Variants in KATNIP observed in about 807,000 individuals in gnomAD.
The protein encoded by KATNIP is katanin interacting protein.
A neutral mutation model predicts 174.0 loss-of-function variants in KATNIP; 126 were observed. The ratio of observed to expected loss-of-function variants is 0.72; its 90% CI spans 0.63 to 0.84. KATNIP has a LOEUF of 0.84. KATNIP is among the 40% of genes least tolerant of loss of function. The pLI is 0.00. For synonymous variants in KATNIP, 810 were observed against 835.7 expected (o/e 0.97, Z 0.53); for missense variants, 1,958 against 2,109.7 (o/e 0.93, Z 1.41).
At chr16:27,726,812 C>A (rs1406317197) in intron 14 of KATNIP, among the ~76,000 whole-genome samples, 1 of 152,180 alleles carries the variant, frequency 6.6e-6, no homozygotes, top group Non-Finnish European at 1.5e-5. Flanking sequence ...ACAGCAGGAG[C>A]AAAGGCCCTG....
In KATNIP at chr16:27,588,707, C is replaced by T. The variant is rs142944721; in HGVS notation, c.63+14751C>T. Reference sequence around the variant, plus strand: ...TCAATTCTTCTCGGAAAAATTAAATCGCAAAATAATTTGAGTACATTGTTG... The same window carrying T: ...TCAATTCTTCTCGGAAAAATTAAATTGCAAAATAATTTGAGTACATTGTTG... On this transcript the variant is annotated intron_variant, in intron 2 of 27. Transcript: ENST00000261588. 1.2e-4 allele frequency among the ~76,000 whole-genome samples: 19 copies of T among 152,072 alleles called. 1 individual carries two copies. In the South Asian group the frequency reaches 1.5e-3, roughly 12 times the overall value.
Position 27,740,151 on chromosome 16 carries a change from G to C in KATNIP, c.1854G>C (p.Leu618=). ...AGGCCCCAGCTGACCACAGCATCCTGGTTGACCAGAAGAACGAGAAGAGCG... is the reference window on the plus strand; with the variant it reads ...AGGCCCCAGCTGACCACAGCATCCTCGTTGACCAGAAGAACGAGAAGAGCG... ...DREAPADHSI[L]VDQKNEKSEQ... The change falls in exon 15 of 28, where the codon CTG becomes CTC. Residue 618 remains leucine (L), a synonymous_variant. Transcript: ENST00000261588. 6.2e-7 allele frequency: 1 copy of C among 1,614,154 alleles called. No homozygotes were observed. The highest frequency in any genetic ancestry group is 8.5e-7 in the Non-Finnish European group (1 of 1,180,040).
chr16:27,604,202 G>A lies in KATNIP; in HGVS notation c.64-14223G>A, dbSNP rs554934942. Among the ~76,000 whole-genome samples the A allele has an allele frequency of 7.3e-5, 11 of 151,074 alleles. 1 individual carries two copies. In the South Asian group the frequency reaches 2.1e-3, roughly 29 times the overall value. ...CAGCCTCAATCTCCTGGGCTCAAGC[G>A]ATCCTCTCGCCTCAGCCTCCCAAGT... is the stretch of plus-strand genomic sequence containing the variant. On this transcript the variant is annotated intron_variant, in intron 2 of 27. Transcript: ENST00000261588.
chr16:27,649,953 A>G (rs1285767715), intron 6 of KATNIP, among the ~76,000 whole-genome samples: 1 of 152,176 alleles, frequency 6.6e-6, no homozygotes, highest in Non-Finnish European at 1.5e-5. Context: ...AGGTGGGCAG[A>G]TCACCTGAGA....
At chr16:27,719,178 C>A (rs2080097305) in intron 13 of KATNIP, among the ~76,000 whole-genome samples, 1 of 152,148 alleles carries the variant, frequency 6.6e-6, no homozygotes, top group Non-Finnish European at 1.5e-5. Flanking sequence ...GGGGCCAGGC[C>A]AAGGCAGAAG....
rs2081523164 is a variant in KATNIP, at chr16:27,751,706, G to A, written c.3347-13G>A. 1 of 1,613,442 alleles carries A rather than the reference G, an allele frequency of 6.2e-7. No individual in the cohort carries two copies. The highest frequency in any genetic ancestry group is 8.5e-7 in the Non-Finnish European group (1 of 1,179,550). ...AGTGAGTTGACCTTTCTGTCATCTTGATAACCCATTAGCCCCAGAGCACTT... is the reference window on the plus strand; with the variant it reads ...AGTGAGTTGACCTTTCTGTCATCTTAATAACCCATTAGCCCCAGAGCACTT... On this transcript the variant is annotated splice_polypyrimidine_tract_variant and intron_variant, in intron 16 of 27. Transcript: ENST00000261588.
chr16:27,593,542 CT>C (rs201311317), intron 2 of KATNIP, among the ~76,000 whole-genome samples: 4,318 of 151,824 alleles, frequency 0.028, 120 homozygotes, highest in Non-Finnish European at 0.036. Flanking sequence ...CCGTCCTAAA[CT>C]TTTTTTTAGG....
chr16:27,563,322 C>T (rs1473966337), intron 1 of KATNIP, among the ~76,000 whole-genome samples: 1 of 152,052 alleles, frequency 6.6e-6, no homozygotes, highest in African/African-American at 2.4e-5. Context: ...AGAGCTAAGG[C>T]CCTGAGGCAG....
intron 8 of KATNIP, among the ~76,000 whole-genome samples, chr16:27,694,196 C>G (rs969917961): frequency 1.3e-5 from 2 of 152,336 alleles, no homozygotes; most frequent in African/African-American, 4.8e-5. Flanking sequence ...CTCCAGGTGT[C>G]TCCTGCCTTC....
chr16:27,702,289 G>C (rs2079131320), intron 11 of KATNIP, among the ~76,000 whole-genome samples: 1 of 152,136 alleles, frequency 6.6e-6, no homozygotes, highest in South Asian at 2.1e-4. Flanking sequence ...CTGGTCTAGG[G>C]GGCGAGGTTG....
At chr16:27,618,022 G>A (rs981964439) in intron 2 of KATNIP, among the ~76,000 whole-genome samples, 19 of 152,158 alleles carry the variant, frequency 1.2e-4, no homozygotes, top group Admixed American at 4.6e-4. Flanking sequence ...ACAGGCATGA[G>A]CCACTGTGCC....
intron 17 of KATNIP, 48 bp from the exon 18 acceptor site, chr16:27,754,125 A>G: frequency 6.8e-7 from 1 of 1,480,744 alleles, no homozygotes; most frequent in Non-Finnish European, 9.4e-7. Context: ...CTGTGTGGGT[A>G]TCACTAAAAC....
chr16:27,704,317 A>G (rs1161409607), intron 12 of KATNIP, among the ~76,000 whole-genome samples: 2 of 152,218 alleles, frequency 1.3e-5, no homozygotes, highest in African/African-American at 4.8e-5. Context: ...TAAATGTCCC[A>G]TTTGAGCTCT....
intron 19 of KATNIP, among the ~76,000 whole-genome samples, chr16:27,762,437 A>G (rs1387927246): frequency 2.6e-5 from 4 of 152,176 alleles, no homozygotes; most frequent in South Asian, 2.1e-4. Flanking sequence ...GGAAGGGACC[A>G]TTATGAGCCC....
intron 14 of KATNIP, chr16:27,727,482 T>TA (rs2080495170): frequency 6.6e-6 from 1 of 152,478 alleles, no homozygotes; most frequent in Non-Finnish European, 1.5e-5. Flanking sequence ...TTGAGGAATT[T>TA]AAAAGACTAC....
At position 27,754,167 on chromosome 16, in the gene KATNIP, G is replaced by T; in HGVS notation, c.3553-6G>T. 1 of 1,613,614 alleles carries T rather than the reference G, an allele frequency of 6.2e-7. No homozygotes were observed. The highest frequency in any genetic ancestry group is 1.1e-5 in the South Asian group (1 of 91,038). On this transcript the variant is annotated splice_region_variant and splice_polypyrimidine_tract_variant and intron_variant, in intron 17 of 27. Transcript: ENST00000261588. ...CTTTTCCTCTGCTTCTCCAACCCAT[G>T]TGCAGATCCCGGAGCTAGAGCTCCC... is the stretch of plus-strand genomic sequence containing the variant.
At chr16:27,634,080 T>C (rs1163158932) in intron 5 of KATNIP, among the ~76,000 whole-genome samples, 1 of 152,216 alleles carries the variant, frequency 6.6e-6, no homozygotes, top group East Asian at 1.9e-4. Flanking sequence ...CCTTCTATTA[T>C]CAGGAGCCAT....
intron 8 of KATNIP, among the ~76,000 whole-genome samples, chr16:27,696,113 C>A (rs2078904418): frequency 6.6e-6 from 1 of 152,198 alleles, no homozygotes; most frequent in Non-Finnish European, 1.5e-5. Flanking sequence ...TCTTTCCATT[C>A]ATGGGAACTT....
intron 8 of KATNIP, among the ~76,000 whole-genome samples, chr16:27,690,802 CTG>C (rs1241883429): frequency 6.6e-6 from 1 of 152,184 alleles, no homozygotes; most frequent in Non-Finnish European, 1.5e-5. Context: ...ACTGTGGAAA[CTG>C]GAGCATTTCA....
Sources: allele counts gnomAD v4.1 joint callset (sites outside exome capture counted in the v4.1 genomes callset), GRCh38; gene constraint gnomAD v4.1.1; transcripts MANE v1.5; gene names NCBI Gene and HGNC (gene_info 2026-07-23, HGNC 2026-07-21).